MYO7A: variants seen among roughly 807,000 people sequenced by gnomAD.
The protein encoded by MYO7A is unconventional myosin-VIIa.
A neutral mutation model predicts 263.8 loss-of-function variants in MYO7A; 210 were observed. The ratio of observed to expected loss-of-function variants is 0.80; its 90% confidence interval spans 0.71 to 0.89. The LOEUF (loss-of-function observed/expected upper bound fraction) is 0.89, where lower values mean the gene tolerates loss of function less well. Among genes scored for constraint, MYO7A ranks in the 40% least tolerant of loss-of-function variants. The pLI, the probability that MYO7A is intolerant of heterozygous loss-of-function variation, is 0.00. For missense variants in MYO7A, 2,820 were observed against 2,968.3 expected, an observed-to-expected ratio of 0.95 and a Z score of 1.16; for synonymous variants, 1,239 against 1,197.3, an observed-to-expected ratio of 1.03 and a Z score of -0.72.
intron 26 of MYO7A, among the ~76,000 whole-genome samples, chr11:77,184,196 G>A (rs1166717149): frequency 2.0e-5 from 3 of 152,144 alleles, no homozygotes; most frequent in East Asian, 1.9e-4. Context: ...GTTGGAACCT[G>A]GAGTATACTC....
At chr11:77,186,670 T>C (rs1955669662) in intron 27 of MYO7A, among the ~76,000 whole-genome samples, 2 of 152,224 alleles carry the variant, frequency 1.3e-5, no homozygotes, top group African/African-American at 4.8e-5. Context: ...GGCTTTGGCT[T>C]AAGGGAATGT....
chr11:77,202,827 G>T (rs1339868705), intron 37 of MYO7A, among the ~76,000 whole-genome samples: 1 of 152,044 alleles, frequency 6.6e-6, no homozygotes, highest in Non-Finnish European at 1.5e-5. Context: ...GGGGAGGCTG[G>T]GGCACAGCCC....
chr11:77,178,914 T>A, intron 19 of MYO7A, 131 bp from the exon 20 acceptor site: 1 of 680,324 alleles, frequency 1.5e-6, no homozygotes. Context: ...ACAGAAGTTA[T>A]GTGCCTTGCC....
rs782471298 is a variant in MYO7A at position 77,182,059 on chromosome 11, G to C, written c.3013G>C (p.Ala1005Pro). The C allele has an allele frequency of 6.2e-7, 1 of 1,613,336 alleles. No individual in the cohort carries two copies. Among genetic ancestry groups the C allele is most frequent in the Non-Finnish European group, 8.5e-7 (1 of 1,179,716 alleles). Residue 1005 changes from alanine (A) to proline (P), a missense_variant, in exon 24 of 49, where the codon GCG (alanine) becomes CCG (proline). By Grantham distance (27) the Ala-to-Pro change is conservative. Transcript: ENST00000409709. ...CTCTGAGTATAAATTTGCCAAGTTC[G>C]CGGCCACCTACTTCCAGGGGACAAC... Reference protein sequence around the residue: ...DLSEYKFAKFAATYFQGTTTH... With the variant: ...DLSEYKFAKFPATYFQGTTTH...
At chr11:77,158,882 T>A (rs1479356266) in intron 9 of MYO7A, among the ~76,000 whole-genome samples, 1 of 152,098 alleles carries the variant, frequency 6.6e-6, no homozygotes, top group Non-Finnish European at 1.5e-5. Flanking sequence ...TGGGAGGTGA[T>A]CCCCTGAGGC....
Position 77,162,997 on chromosome 11 carries a change from G to T in MYO7A, c.1690+9G>T, listed in dbSNP as rs371146074. 4.5e-5 allele frequency: 73 copies of T among 1,613,222 alleles called. No individual in the cohort carries two copies. Among genetic ancestry groups the T allele is most frequent in the Non-Finnish European group, 5.9e-5 (70 of 1,179,516 alleles). On this transcript the variant is annotated intron_variant, in intron 14 of 48. Coordinates refer to ENST00000409709, the MANE Select transcript of MYO7A (RefSeq NM_000260.4). ...CTACTATGAGACCCAAGGTACAGAG[G>T]GCTGCCGGCTGTCTGTCACTCCCTG... is the stretch of plus-strand genomic sequence containing the variant.
rs1480697910 is a variant in MYO7A at position 77,192,232 on chromosome 11, AGCAG to A, written c.4108_4111del (p.Gln1370TrpfsTer28). 6.2e-7 allele frequency: 1 copy of A among 1,613,936 alleles called. No individual in the cohort carries two copies. The highest frequency in any genetic ancestry group is 8.5e-7 in the Non-Finnish European group (1 of 1,179,906). On this transcript the variant is annotated frameshift_variant, in exon 31 of 49. Transcript: ENST00000409709. LOFTEE classifies it high-confidence loss of function. Reference sequence around the variant, plus strand: ...AACGTGGCCACCAACCTCATCTACCAGCAGGTGGTGCGAGGAGTCAAGTTTGGGG... The same window carrying A: ...AACGTGGCCACCAACCTCATCTACCAGTGGTGCGAGGAGTCAAGTTTGGGG...
intron 14 of MYO7A, among the ~76,000 whole-genome samples, chr11:77,165,825 G>A (rs1180286550): frequency 1.3e-5 from 2 of 152,266 alleles, no homozygotes; most frequent in East Asian, 3.9e-4. Flanking sequence ...AGACCCCCCT[G>A]CCCTTCTTGA....
intron 15 of MYO7A, among the ~76,000 whole-genome samples, chr11:77,167,696 G>C (rs537799438): frequency 6.6e-6 from 1 of 152,186 alleles, no homozygotes; most frequent in East Asian, 1.9e-4. Flanking sequence ...GCCAAATACT[G>C]ACATCCTTCC....
In MYO7A at chr11:77,198,597, A is replaced by G. The variant is rs749216415; in HGVS notation, c.4544A>G (p.Glu1515Gly). The G allele has an allele frequency of 6.2e-7, 1 of 1,613,892 alleles. No individual in the cohort carries two copies. The highest frequency in any genetic ancestry group is 1.1e-5 in the South Asian group (1 of 91,078). Residue 1515 changes from glutamate to glycine, a missense_variant, in exon 34 of 49, where the codon GAG becomes GGG. Transcript: ENST00000409709. ...EQVLLELSFP[E>G]IMAVSSSREC... ...GTACTTCTGGAGCTGTCCTTCCCAG[A>G]GATCATGGCCGTGTCCAGCAGCAGG...
intron 2 of MYO7A, 44 bp downstream of exon 2, chr11:77,130,696 A>G: frequency 1.2e-6 from 2 of 1,605,516 alleles, no homozygotes; most frequent in Non-Finnish European, 1.7e-6. Flanking sequence ...TCCCCAGGCC[A>G]TATCCCCTCA....
chr11:77,203,336 G>C lies in MYO7A; in HGVS notation c.5326+119G>C. The C allele has an allele frequency of 3.5e-6, 4 of 1,145,562 alleles. No homozygotes were observed. The South Asian group carries it at 6.2e-5, about 18-fold the overall frequency. The allele number at this position is 1,145,562 out of a possible 1,614,324, so 71.0% of individuals were successfully genotyped here. A position where few individuals can be genotyped will look rare whatever the true frequency, so the allele number is the denominator to read the frequency against. ...CGGGCACACATGGGGAGGGTTGATGGAGTACCCCCTCCCTTGCACCTTTTG... is the reference window on the plus strand; with the variant it reads ...CGGGCACACATGGGGAGGGTTGATGCAGTACCCCCTCCCTTGCACCTTTTG... On this transcript the variant is annotated intron_variant, in intron 38 of 48. Transcript: ENST00000409709.
chr11:77,208,876 C>A, intron 44 of MYO7A, 73 bp downstream of exon 44: 4 of 1,254,784 alleles, frequency 3.2e-6, no homozygotes, highest in Non-Finnish European at 4.5e-6. Flanking sequence ...AAAGCAGAGA[C>A]CCACTGACCT....
chr11:77,141,277 C>T (rs1555050466), intron 2 of MYO7A, among the ~76,000 whole-genome samples: 1 of 152,166 alleles, frequency 6.6e-6, no homozygotes, highest in African/African-American at 2.4e-5. Flanking sequence ...TGGTCTTGGA[C>T]TCACTGAGTT....
rs781977497 is a variant in MYO7A, at chr11:77,182,422, A to G, written c.3109-2A>G. 6 of 1,602,362 alleles carry G rather than the reference A, an allele frequency of 3.7e-6. No individual in the cohort carries two copies. Among genetic ancestry groups the G allele is most frequent in the South Asian group, 1.1e-5 (1 of 90,834 alleles). On this transcript the variant is annotated splice_acceptor_variant, in intron 24 of 48. Transcript: ENST00000409709. LOFTEE classifies it high-confidence loss of function. ...GCCTCTGACATGCGCGCTCTGCCCC[A>G]GGCAGCCCTGGCGGTCTGGATCACC...
chr11:77,155,960 C>G lies in MYO7A; in HGVS notation c.339C>G (p.Ile113Met), dbSNP rs1591265469. 1 of 1,612,728 alleles carries G rather than the reference C, an allele frequency of 6.2e-7. No homozygotes were observed. Among genetic ancestry groups the G allele is most frequent in the East Asian group, 2.2e-5 (1 of 44,866 alleles). Residue 113 changes from isoleucine to methionine, a missense_variant, in exon 5 of 49, where the codon ATC becomes ATG. Physicochemically the swap from Ile to Met is conservative, Grantham distance 10. Transcript: ENST00000409709. ...VAVNPYQLLS[I>M]YSPEHIRQYT... ...TGAACCCCTACCAGCTGCTCTCCAT[C>G]TACTCGCCAGAGCACATCCGCCAGT... is the stretch of plus-strand genomic sequence containing the variant.
intron 15 of MYO7A, among the ~76,000 whole-genome samples, chr11:77,171,119 A>G (rs1217505064): frequency 1.3e-5 from 2 of 152,236 alleles, no homozygotes; most frequent in Non-Finnish European, 1.5e-5. Context: ...GAGGACGGGC[A>G]GAAAGCAGTC....
At chr11:77,149,466 G>A (rs939386918) in intron 4 of MYO7A, among the ~76,000 whole-genome samples, 1 of 152,182 alleles carries the variant, frequency 6.6e-6, no homozygotes, top group Non-Finnish European at 1.5e-5. Flanking sequence ...GCAAGCGATC[G>A]GCAGGCAGTG....
rs565674609 is a variant in MYO7A, at chr11:77,210,239, C to T, written c.6052-913C>T. On this transcript the variant is annotated intron_variant, in intron 44 of 48. Transcript: ENST00000409709. ...GAAGTAGGGAGGGTAGGCATTGTTG[C>T]TTAAAGGGCCTGGCTCATAGATGTT... is the stretch of plus-strand genomic sequence containing the variant. Among the ~76,000 whole-genome samples, 3 of 152,292 alleles carry T rather than the reference C, an allele frequency of 2.0e-5. No homozygotes were observed. In the South Asian group the frequency reaches 6.2e-4, roughly 32 times the overall value.
Sources: allele counts gnomAD v4.1 joint callset (sites outside exome capture counted in the v4.1 genomes callset), GRCh38; gene constraint gnomAD v4.1.1; transcripts MANE v1.5; gene names NCBI Gene and HGNC (gene_info 2026-07-23, HGNC 2026-07-21).